CACNB2: variants seen among roughly 807,000 people sequenced by gnomAD.
CACNB2 encodes voltage-dependent L-type calcium channel subunit beta-2.
Under a neutral mutation model 73.3 loss-of-function variants are expected in CACNB2, and 42 were observed. The observed-to-expected ratio is 0.57, with a 90% CI of 0.45 to 0.74. The LOEUF is 0.74. Among genes scored for constraint, CACNB2 ranks in the 30% least tolerant of loss-of-function variants. The pLI, the probability that CACNB2 is intolerant of heterozygous loss-of-function variation, is 0.00. For missense variants in CACNB2, 940 were observed against 853.0 expected (o/e 1.10, Z -1.27); for synonymous variants, 348 against 310.3 (o/e 1.12, Z -1.28).
intron 2 of CACNB2, among the ~76,000 whole-genome samples, chr10:18,384,412 A>G (rs1399053347): frequency 6.6e-6 from 1 of 152,104 alleles, no homozygotes; most frequent in African/African-American, 2.4e-5. Flanking sequence ...TTCCTTTTAA[A>G]TGTCTCTTTT....
At position 18,260,864 on chromosome 10, in the gene CACNB2, A is replaced by C. The variant is rs769011917; in HGVS notation, c.213+109889A>C. The stretch of plus-strand genomic sequence containing the variant: ...ACTGCAGGGTCGCGAAATGCAAGAC[A>C]CTCAGATGTTTGAAAATCTCCCGAG... On this transcript the variant is annotated intron_variant, in intron 2 of 13. Coordinates refer to ENST00000324631, the MANE Select transcript of CACNB2 (RefSeq NM_201596.3). 1.0e-3 allele frequency: 1,114 copies of C among 1,094,484 alleles called. 1 individual carries two copies. The highest frequency in any genetic ancestry group is 1.7e-3 in the Middle Eastern group (4 of 2,338). 67.8% of individuals were successfully genotyped at this position (1,094,484 alleles called of 1,614,324 possible). A position where few individuals can be genotyped will look rare whatever the true frequency, so the allele number is the denominator to read the frequency against.
At chr10:18,454,460 A>G (rs1246157913) in intron 3 of CACNB2, among the ~76,000 whole-genome samples, 2 of 152,118 alleles carry the variant, frequency 1.3e-5, no homozygotes, top group Admixed American at 1.3e-4. Flanking sequence ...GTATTTTTCT[A>G]GGTACTGTAT....
intron 3 of CACNB2, among the ~76,000 whole-genome samples, chr10:18,423,356 C>T (rs11014175): frequency 0.15 from 23,409 of 152,108 alleles, 2,129 homozygotes; most frequent in East Asian, 0.22. Context: ...CTGTTTGGTG[C>T]AGTAGGTTAC....
At chr10:18,223,692 T>C (rs2035880292) in intron 2 of CACNB2, among the ~76,000 whole-genome samples, 1 of 152,190 alleles carries the variant, frequency 6.6e-6, no homozygotes, top group Admixed American at 6.5e-5. Context: ...TACAGTCTTT[T>C]TCTTTCATCA....
At chr10:18,336,951 A>G (rs2041031754) in intron 2 of CACNB2, among the ~76,000 whole-genome samples, 1 of 152,216 alleles carries the variant, frequency 6.6e-6, no homozygotes, top group African/African-American at 2.4e-5. Context: ...GGAAAGAAAA[A>G]ATAAATACCC....
intron 2 of CACNB2, among the ~76,000 whole-genome samples, chr10:18,258,749 A>C (rs561007007): frequency 6.6e-6 from 1 of 152,232 alleles, no homozygotes; most frequent in South Asian, 2.1e-4. Flanking sequence ...ACAAGCAAAC[A>C]AAAAACAAAA....
chr10:18,232,045 G>C (rs1388844625), intron 2 of CACNB2, among the ~76,000 whole-genome samples: 1 of 152,100 alleles, frequency 6.6e-6, no homozygotes, highest in East Asian at 1.9e-4. Context: ...ACATAAAAAT[G>C]ACCACAAAGG....
intron 9 of CACNB2, among the ~76,000 whole-genome samples, chr10:18,525,064 T>C (rs2052338684): frequency 6.7e-6 from 1 of 148,760 alleles, no homozygotes; most frequent in African/African-American, 2.5e-5. Context: ...TTATATGACA[T>C]AGTTCATTGA....
chr10:18,150,189 T>G lies in CACNB2; in HGVS notation c.121-694T>G, dbSNP rs112636550. On this transcript the variant is annotated intron_variant, in intron 1 of 13. Transcript: ENST00000324631. Reference sequence around the variant, plus strand: ...CATAATAGGAAAAGCAAGTTCATTTTTAGATGTTTCTGCTTGGCCCAATCC... The same window carrying G: ...CATAATAGGAAAAGCAAGTTCATTTGTAGATGTTTCTGCTTGGCCCAATCC... 1.6e-3 allele frequency among the ~76,000 whole-genome samples: 246 copies of G among 152,362 alleles called. 2 individuals carry two copies. The highest frequency in any genetic ancestry group is 5.5e-3 in the African/African-American group (228 of 41,584).
chr10:18,342,654 A>G (rs2041279805), intron 2 of CACNB2, among the ~76,000 whole-genome samples: 1 of 152,124 alleles, frequency 6.6e-6, no homozygotes, highest in African/African-American at 2.4e-5. Context: ...AGGGCTTATA[A>G]ACACATGGAT....
At chr10:18,232,562 T>C (rs906216251) in intron 2 of CACNB2, among the ~76,000 whole-genome samples, 5 of 152,162 alleles carry the variant, frequency 3.3e-5, no homozygotes, top group African/African-American at 1.2e-4. Context: ...AATATGCTTT[T>C]TGGGGGTCAG....
intron 1 of CACNB2, among the ~76,000 whole-genome samples, chr10:18,143,605 C>T (rs912458535): frequency 1.3e-5 from 2 of 152,072 alleles, no homozygotes; most frequent in African/African-American, 4.8e-5. Flanking sequence ...GAAACATTAC[C>T]TTGTTTATTT....
At chr10:18,465,339 A>G (rs1318624050) in intron 3 of CACNB2, among the ~76,000 whole-genome samples, 1 of 152,170 alleles carries the variant, frequency 6.6e-6, no homozygotes, top group African/African-American at 2.4e-5. Context: ...CAGTAAAAAT[A>G]AATAAACTAG....
chr10:18,442,961 T>TATAC (rs1431284601), intron 3 of CACNB2, among the ~76,000 whole-genome samples: 2 of 30,894 alleles, frequency 6.5e-5, no homozygotes, highest in East Asian at 5.7e-3. Flanking sequence ...TATATATGTA[T>TATAC]ATATATATGT....
At chr10:18,319,178 C>T (rs550990647) in intron 2 of CACNB2, among the ~76,000 whole-genome samples, 11 of 152,246 alleles carry the variant, frequency 7.2e-5, no homozygotes, top group African/African-American at 2.6e-4. Flanking sequence ...TTCACAATAG[C>T]AAAGACTTGG....
At chr10:18,245,370 G>C (rs997647042) in intron 2 of CACNB2, among the ~76,000 whole-genome samples, 4 of 152,162 alleles carry the variant, frequency 2.6e-5, no homozygotes, top group Admixed American at 6.5e-5. Flanking sequence ...ACAGGCTGGA[G>C]TGTACTGGTG....
At chr10:18,248,832 C>T (rs2036973174) in intron 2 of CACNB2, among the ~76,000 whole-genome samples, 1 of 152,150 alleles carries the variant, frequency 6.6e-6, no homozygotes, top group African/African-American at 2.4e-5. Context: ...TTCCTCTCTC[C>T]CTCTGTCTTA....
chr10:18,328,718 T>G (rs927029623), intron 2 of CACNB2, among the ~76,000 whole-genome samples: 1 of 152,180 alleles, frequency 6.6e-6, no homozygotes, highest in Non-Finnish European at 1.5e-5. Flanking sequence ...GATGTAGATT[T>G]GGGACTCAAT....
intron 5 of CACNB2, among the ~76,000 whole-genome samples, chr10:18,503,746 C>T (rs2050336359): frequency 6.6e-6 from 1 of 152,100 alleles, no homozygotes; most frequent in Non-Finnish European, 1.5e-5. Flanking sequence ...CAGCATTTTT[C>T]AGAATTTTCT....
Sources: gnomAD v4.1 joint callset for allele counts (sites outside exome capture counted in the v4.1 genomes callset) on GRCh38, gnomAD v4.1.1 for gene constraint, MANE v1.5 for transcripts, NCBI Gene and HGNC (gene_info 2026-07-23, HGNC 2026-07-21) for gene names.